The following SLC16A1 variants were observed in gnomAD, a reference collection of about 807,000 sequenced individuals.
SLC16A1 encodes monocarboxylate transporter 1.
A neutral mutation model predicts 32.2 loss-of-function variants in SLC16A1; 11 were observed. That is an observed-to-expected ratio of 0.34 (90% CI 0.21 to 0.56). SLC16A1 has a LOEUF of 0.56. Among genes scored for constraint, SLC16A1 ranks in the 20% least tolerant of loss-of-function variants. The pLI is 0.87. For synonymous variants in SLC16A1, 231 were observed against 226.8 expected, an observed-to-expected ratio of 1.02 and a Z score of -0.17; for missense variants, 435 against 615.0, an observed-to-expected ratio of 0.71 and a Z score of 3.10.
Position 112,912,048 on chromosome 1 carries a change from C to T in SLC16A1, c.*1843G>A, listed in dbSNP as rs1648339076. The stretch of plus-strand genomic sequence containing the variant: ...TCAGCAGCAGTTTTCTCCTCTAACA[C>T]TCTTCCTCTATCTGCCATGATGCCC... On this transcript the variant is annotated 3_prime_UTR_variant, in exon 5 of 5. Coordinates refer to ENST00000369626, the MANE Select transcript of SLC16A1 (RefSeq NM_003051.4). 3 of 152,268 alleles carry T rather than the reference C, an allele frequency of 2.0e-5. No individual in the cohort carries two copies. In the South Asian group the frequency reaches 6.2e-4, roughly 31 times the overall value. The allele number at this position is 152,268 out of a possible 1,614,324, so 9.4% of individuals were successfully genotyped here.
At chr1:112,930,165 G>C (rs1386530412) in intron 1 of SLC16A1, among the ~76,000 whole-genome samples, 3 of 152,198 alleles carry the variant, frequency 2.0e-5, no homozygotes, top group African/African-American at 7.2e-5. Flanking sequence ...AAGTACAGGT[G>C]ACAAGCTACT....
intron 4 of SLC16A1, among the ~76,000 whole-genome samples, chr1:112,914,990 A>G (rs2101618965): frequency 6.6e-6 from 1 of 152,362 alleles, no homozygotes; most frequent in East Asian, 1.9e-4. Flanking sequence ...TTGAACTGGT[A>G]TCTCTGGGAA....
Position 112,935,633 on chromosome 1 carries a change from T to G in SLC16A1, c.-44-6281A>C, listed in dbSNP as rs929093923. Among the ~76,000 whole-genome samples, 4 of 152,122 alleles carry G rather than the reference T, an allele frequency of 2.6e-5. No homozygotes were observed. In the East Asian group the frequency reaches 5.8e-4, roughly 22 times the overall value. On this transcript the variant is annotated intron_variant, in intron 1 of 4. Coordinates refer to ENST00000369626, the MANE Select transcript of SLC16A1 (RefSeq NM_003051.4). ...ATAGAGAATGGAGAAGAGACAACTGTCTGGGTAAATGACTAAGGGTTAATG... is the reference window on the plus strand; with the variant it reads ...ATAGAGAATGGAGAAGAGACAACTGGCTGGGTAAATGACTAAGGGTTAATG...
chr1:112,935,732 A>G (rs1649278916), intron 1 of SLC16A1: 1 of 152,264 alleles, frequency 6.6e-6, no homozygotes, highest in African/African-American at 2.4e-5. Flanking sequence ...GAAAAATCTT[A>G]GAAGACAACT....
intron 1 of SLC16A1, among the ~76,000 whole-genome samples, chr1:112,951,535 T>C (rs1649896261): frequency 6.6e-6 from 1 of 152,160 alleles, no homozygotes; most frequent in African/African-American, 2.4e-5. Flanking sequence ...GAACTTACAA[T>C]CTGGAATCCT....
chr1:112,924,585 AAAC>A (rs1295210126), intron 2 of SLC16A1, among the ~76,000 whole-genome samples: 2 of 152,196 alleles, frequency 1.3e-5, no homozygotes, highest in African/African-American at 4.8e-5. Flanking sequence ...AAACAAACAA[AAAC>A]AACAACAACA....
Position 112,923,924 on chromosome 1 carries a change from G to A in SLC16A1, c.218-1791C>T. ...TCCCCTGCCTCAGGCACTCTGGACT[G>A]AGGTTCTATGCCTTCAACCCTCTGG... On this transcript the variant is annotated intron_variant, in intron 2 of 4. Coordinates refer to ENST00000369626, the MANE Select transcript of SLC16A1 (RefSeq NM_003051.4). 3.3e-6 allele frequency: 5 copies of A among 1,519,766 alleles called. No individual in the cohort carries two copies. The South Asian group carries it at 5.6e-5, about 17-fold the overall frequency. The allele number at this position is 1,519,766 out of a possible 1,614,324, so 94.1% of individuals were successfully genotyped here. A position where few individuals can be genotyped will look rare whatever the true frequency, so the allele number is the denominator to read the frequency against.
Position 112,917,449 on chromosome 1 carries a change from T to A in SLC16A1, c.957A>T (p.Val319=). The A allele has an allele frequency of 6.2e-7, 1 of 1,614,160 alleles. No homozygotes were observed. Among genetic ancestry groups the A allele is most frequent in the Non-Finnish European group, 8.5e-7 (1 of 1,180,038 alleles). The change falls in exon 4 of 5, where the codon GTA becomes GTT. Residue 319 remains valine (V), a synonymous_variant. Coordinates refer to ENST00000369626, the MANE Select transcript of SLC16A1 (RefSeq NM_003051.4). The surrounding 1 kb of genome is among the most constrained non-coding windows in gnomAD (Gnocchi z 4.1). The part of the protein sequence containing the change: ...DMVARPSMGL[V]ANTKPIRPRI... ...GAGGTCTTATTGGCTTTGTGTTGGC[T>A]ACAAGTCCCATAGATGGTCGGGCTA...
chr1:112,944,827 G>A (rs1649635469), intron 1 of SLC16A1, among the ~76,000 whole-genome samples: 1 of 151,988 alleles, frequency 6.6e-6, no homozygotes, highest in African/African-American at 2.4e-5. Context: ...CGAGTAGCTG[G>A]GATTACAGGT....
chr1:112,930,703 C>T (rs957537591), intron 1 of SLC16A1, among the ~76,000 whole-genome samples: 4 of 151,422 alleles, frequency 2.6e-5, no homozygotes, highest in Non-Finnish European at 4.4e-5. Flanking sequence ...ACACATAATA[C>T]ATAACCTACA....
At chr1:112,940,900 A>G (rs1394481628) in intron 1 of SLC16A1, among the ~76,000 whole-genome samples, 1 of 152,196 alleles carries the variant, frequency 6.6e-6, no homozygotes, top group Non-Finnish European at 1.5e-5. Flanking sequence ...CCTTTGCAAC[A>G]ACATGAAGAT....
rs565988213 is a variant in SLC16A1, at chr1:112,943,325, T to C, written c.-45+12710A>G. ...AGTCCCAGCTACTCAGAAGACTCTC[T>C]TGAACCTGGAAGGCGGAGGCTGCAG... On this transcript the variant is annotated intron_variant, in intron 1 of 4. Coordinates refer to ENST00000369626, the MANE Select transcript of SLC16A1 (RefSeq NM_003051.4). 5.1e-4 allele frequency among the ~76,000 whole-genome samples: 77 copies of C among 150,386 alleles called. 1 individual carries two copies. The South Asian group carries it at 0.016, about 31-fold the overall frequency.
intron 1 of SLC16A1, among the ~76,000 whole-genome samples, chr1:112,946,560 T>C (rs1363090635): frequency 6.6e-6 from 1 of 152,214 alleles, no homozygotes; most frequent in Non-Finnish European, 1.5e-5. Context: ...GTTTTGTTTG[T>C]TTGTTTTTCT....
intron 2 of SLC16A1, among the ~76,000 whole-genome samples, chr1:112,926,221 G>T (rs1648936888): frequency 6.6e-6 from 1 of 152,156 alleles, no homozygotes; most frequent in Admixed American, 6.6e-5. Context: ...CATAAGATAA[G>T]CATGTTAAGA....
At chr1:112,951,304 G>GT in intron 1 of SLC16A1, among the ~76,000 whole-genome samples, 1 of 151,478 alleles carries the variant, frequency 6.6e-6, no homozygotes, top group African/African-American at 2.4e-5. Flanking sequence ...TGGTAGGGCA[G>GT]GGGGGCCTAC....
chr1:112,955,638 G>A (rs1208623200), intron 1 of SLC16A1: 1 of 152,298 alleles, frequency 6.6e-6, no homozygotes, highest in Non-Finnish European at 1.5e-5. Context: ...AAGCGGCCAG[G>A]AGAGTCTGGA....
chr1:112,923,968 G>A, intron 2 of SLC16A1: 1 of 1,478,948 alleles, frequency 6.8e-7, no homozygotes, highest in Admixed American at 1.7e-5. Context: ...CTGCTGACTG[G>A]CAAGTACAAG....
intron 4 of SLC16A1, 120 bp from the exon 5 acceptor site, chr1:112,914,285 A>G: frequency 1.9e-6 from 2 of 1,040,200 alleles, no homozygotes; most frequent in Non-Finnish European, 2.9e-6. Flanking sequence ...GAGTCCCAAA[A>G]TGATGAATTA....
At chr1:112,914,214 T>G (rs1027044070) in intron 4 of SLC16A1, 49 bp from the exon 5 acceptor site, 8 of 1,606,882 alleles carry the variant, frequency 5.0e-6, no homozygotes, top group Non-Finnish European at 6.8e-6. Context: ...GTAAACAGTT[T>G]TTTTTTCCCC....
Sources: gnomAD v4.1 joint callset for allele counts (sites outside exome capture counted in the v4.1 genomes callset) on GRCh38, gnomAD v4.1.1 for gene constraint, Gnocchi (gnomAD v3.1) non-coding constraint, MANE v1.5 for transcripts, NCBI Gene and HGNC (gene_info 2026-07-23, HGNC 2026-07-21) for gene names.